Variants in NSMAF observed in about 807,000 individuals in gnomAD.
NSMAF encodes protein FAN.
NSMAF carries 90 observed loss-of-function variants against 134.9 expected under a neutral mutation model. That is an observed-to-expected ratio of 0.67 (90% CI 0.56 to 0.79). NSMAF has a LOEUF of 0.79. NSMAF is among the 30% of genes least tolerant of loss of function. The pLI is 0.00. For synonymous variants in NSMAF, 358 were observed against 389.6 expected (o/e 0.92, Z 0.96); for missense variants, 1,010 against 1,119.0 (o/e 0.90, Z 1.39).
Position 58,597,906 on chromosome 8 carries a change from AAAAAGACATAC to A in NSMAF, c.1586-15_1586-5del. On this transcript the variant is annotated splice_polypyrimidine_tract_variant and splice_region_variant and intron_variant, in intron 19 of 30. Transcript: ENST00000038176. ...TCATAGGTCAGGGGATGAAATACTGAAAAAGACATACAAAACACTATTGAAAGATGTGCTAT... is the reference window on the plus strand; with the variant it reads ...TCATAGGTCAGGGGATGAAATACTGAAAAACACTATTGAAAGATGTGCTAT... The A allele has an allele frequency of 1.9e-6, 3 of 1,599,210 alleles. No homozygotes were observed. The highest frequency in any genetic ancestry group is 1.7e-6 in the Non-Finnish European group (2 of 1,166,644).
chr8:58,633,136 T>A (rs938235686), intron 5 of NSMAF, among the ~76,000 whole-genome samples: 1 of 152,208 alleles, frequency 6.6e-6, no homozygotes, highest in Non-Finnish European at 1.5e-5. Flanking sequence ...AGCTCTCCAG[T>A]GGCATTTCTC....
At chr8:58,624,277 C>G (rs1441300448) in intron 6 of NSMAF, among the ~76,000 whole-genome samples, 1 of 151,944 alleles carries the variant, frequency 6.6e-6, no homozygotes, top group African/African-American at 2.4e-5. Context: ...AAACTCCTGA[C>G]CTCAGGTGAT....
chr8:58,639,184 T>G (rs919456866), intron 2 of NSMAF, among the ~76,000 whole-genome samples: 1 of 151,948 alleles, frequency 6.6e-6, no homozygotes, highest in African/African-American at 2.4e-5. Context: ...CTTGGGAGAC[T>G]AAGGCAGGAG....
Position 58,635,178 on chromosome 8 carries a change from T to C in NSMAF, c.333+11A>G. 1 of 1,600,902 alleles carries C rather than the reference T, an allele frequency of 6.2e-7. No individual in the cohort carries two copies. The highest frequency in any genetic ancestry group is 8.5e-7 in the Non-Finnish European group (1 of 1,170,744). On this transcript the variant is annotated intron_variant, in intron 5 of 30. Coordinates refer to ENST00000038176, the MANE Select transcript of NSMAF (RefSeq NM_003580.4). ...ATTCAGATTAGGAAAAAATATTTAT[T>C]ATGTGCTTACCTGACTGAAAATGAG...
chr8:58,621,879 A>C (rs764304090), intron 9 of NSMAF, among the ~76,000 whole-genome samples: 1 of 152,180 alleles, frequency 6.6e-6, no homozygotes, highest in Non-Finnish European at 1.5e-5. Context: ...GACCTTTGGC[A>C]GATGCAAAGT....
chr8:58,628,036 G>A (rs996049660), intron 6 of NSMAF, among the ~76,000 whole-genome samples: 38 of 152,088 alleles, frequency 2.5e-4, no homozygotes, highest in Non-Finnish European at 1.0e-4. Flanking sequence ...ATAACAACAG[G>A]TACATAGACC....
intron 1 of NSMAF, chr8:58,659,265 C>T: frequency 6.6e-7 from 1 of 1,510,590 alleles, no homozygotes; most frequent in Non-Finnish European, 8.8e-7. Flanking sequence ...TCCGGGTGAG[C>T]TGCCCGCGGC....
At position 58,586,002 on chromosome 8, in the gene NSMAF, T is replaced by C; in HGVS notation, c.2447-2A>G. 1 of 1,609,910 alleles carries C rather than the reference T, an allele frequency of 6.2e-7. No individual in the cohort carries two copies. Among genetic ancestry groups the C allele is most frequent in the East Asian group, 2.2e-5 (1 of 44,860 alleles). On this transcript the variant is annotated splice_acceptor_variant, in intron 28 of 30. Coordinates refer to ENST00000038176, the MANE Select transcript of NSMAF (RefSeq NM_003580.4). LOFTEE classifies it high-confidence loss of function. Reference sequence around the variant, plus strand: ...CTGTGCTGAGGACATGGCGACTATCTGCAACACAAGGTGAGACTCAGATAT... The same window carrying C: ...CTGTGCTGAGGACATGGCGACTATCCGCAACACAAGGTGAGACTCAGATAT...
At chr8:58,596,641 T>C (rs1404840681) in intron 21 of NSMAF, among the ~76,000 whole-genome samples, 3 of 152,064 alleles carry the variant, frequency 2.0e-5, no homozygotes, top group African/African-American at 7.2e-5. Context: ...ATTCAAGATG[T>C]ATGTGGGGCC....
chr8:58,607,868 CATT>C, intron 10 of NSMAF, 28 bp from the exon 11 acceptor site: 2 of 1,558,974 alleles, frequency 1.3e-6, no homozygotes, highest in Non-Finnish European at 1.8e-6. Context: ...CAATCTCAAA[CATT>C]ATTGTTCTGA....
rs1353355747 is a variant in NSMAF at position 58,601,266 on chromosome 8, C to T, written c.1280+19G>A. ...ATCAGAAAGTGTTAAAAATGATAAGCAAGGCATTTGTATCAAACCTGTTGA... is the reference window on the plus strand; with the variant it reads ...ATCAGAAAGTGTTAAAAATGATAAGTAAGGCATTTGTATCAAACCTGTTGA... On this transcript the variant is annotated intron_variant, in intron 16 of 30. Coordinates refer to ENST00000038176, the MANE Select transcript of NSMAF (RefSeq NM_003580.4). 1 of 1,598,560 alleles carries T rather than the reference C, an allele frequency of 6.3e-7. No individual in the cohort carries two copies. Among genetic ancestry groups the T allele is most frequent in the Non-Finnish European group, 8.6e-7 (1 of 1,165,960 alleles).
At chr8:58,632,313 G>A (rs1361623545) in intron 5 of NSMAF, among the ~76,000 whole-genome samples, 2 of 152,048 alleles carry the variant, frequency 1.3e-5, no homozygotes, top group African/African-American at 4.8e-5. Flanking sequence ...CATTGCAAGG[G>A]CTGTCTGTAC....
chr8:58,626,355 A>C (rs1180866615), intron 6 of NSMAF, among the ~76,000 whole-genome samples: 1 of 152,088 alleles, frequency 6.6e-6, no homozygotes, highest in Non-Finnish European at 1.5e-5. Context: ...TGGCCTCCCA[A>C]AGTGCTGGGA....
chr8:58,626,426 A>G (rs1806932911), intron 6 of NSMAF, among the ~76,000 whole-genome samples: 2 of 152,208 alleles, frequency 1.3e-5, no homozygotes, highest in South Asian at 4.2e-4. Context: ...TTGCATTCTC[A>G]TATCTTAGCT....
At chr8:58,604,072 T>C (rs1263069721) in intron 12 of NSMAF, among the ~76,000 whole-genome samples, 1 of 152,198 alleles carries the variant, frequency 6.6e-6, no homozygotes, top group Non-Finnish European at 1.5e-5. Context: ...GGATTTTCCA[T>C]TTTGTTCAGA....
rs1296010289 is a variant in NSMAF, at chr8:58,659,379, A to G, written c.59+194T>C. The G allele has an allele frequency of 3.3e-6, 5 of 1,520,724 alleles. No homozygotes were observed. In the East Asian group the frequency reaches 1.3e-4, roughly 40 times the overall value. 94.2% of individuals were successfully genotyped at this position (1,520,724 alleles called of 1,614,324 possible). On this transcript the variant is annotated intron_variant, in intron 1 of 30. Transcript: ENST00000038176. ...CTGTCCCCGGCAGGCTCCGGCCCAG[A>G]CCAGGCCCCCGGCCTCTCACCCCGA...
intron 9 of NSMAF, 130 bp from the exon 10 acceptor site, chr8:58,609,863 G>A: frequency 1.2e-6 from 1 of 811,638 alleles, no homozygotes; most frequent in Non-Finnish European, 1.9e-6. Flanking sequence ...TAAGAAAAAT[G>A]GTAATATAAA....
intron 6 of NSMAF, among the ~76,000 whole-genome samples, chr8:58,627,149 C>T (rs1344924995): frequency 1.3e-5 from 2 of 152,174 alleles, no homozygotes; most frequent in Non-Finnish European, 2.9e-5. Flanking sequence ...TTTTCTCCCA[C>T]TCTGTGGGTT....
intron 2 of NSMAF, chr8:58,637,295 C>A: frequency 2.2e-6 from 1 of 455,694 alleles, no homozygotes; most frequent in Non-Finnish European, 4.4e-6. Context: ...GACTTAGAAT[C>A]AGCAATTTCT....
Sources: gnomAD v4.1 joint callset for allele counts (sites outside exome capture counted in the v4.1 genomes callset) on GRCh38, gnomAD v4.1.1 for gene constraint, MANE v1.5 for transcripts, NCBI Gene and HGNC (gene_info 2026-07-23, HGNC 2026-07-21) for gene names.